Variants in NEK10 observed in about 807,000 individuals in gnomAD.
NEK10 encodes NIMA related kinase 10.
In NEK10, 122 loss-of-function variants were observed where a neutral mutation model predicts 159.8. That is an observed-to-expected ratio of 0.76 (90% CI 0.66 to 0.89). The LOEUF is 0.89. NEK10 is among the 40% of genes least tolerant of loss of function. The pLI, the probability that NEK10 is intolerant of heterozygous loss-of-function variation, is 0.00. For missense variants in NEK10, 1,342 were observed against 1,323.1 expected (o/e 1.01, Z -0.22); for synonymous variants, 466 against 457.1 (o/e 1.02, Z -0.25).
chr3:27,222,935 T>A (rs1952267315), intron 23 of NEK10, among the ~76,000 whole-genome samples: 1 of 151,672 alleles, frequency 6.6e-6, no homozygotes, highest in Admixed American at 6.6e-5. Flanking sequence ...CCTATTAAGT[T>A]TTTTTTTGGC....
chr3:27,157,873 A>T (rs967023385), intron 30 of NEK10, among the ~76,000 whole-genome samples: 2 of 152,194 alleles, frequency 1.3e-5, no homozygotes, highest in African/African-American at 4.8e-5. Flanking sequence ...AGCCACCTAC[A>T]TGGAGGCAAG....
chr3:27,326,300 C>T (rs1032741787), intron 5 of NEK10, among the ~76,000 whole-genome samples: 11 of 152,182 alleles, frequency 7.2e-5, no homozygotes, highest in Non-Finnish European at 1.3e-4. Flanking sequence ...GGCAAAGATA[C>T]TACATCCCAA....
At position 27,141,689 on chromosome 3, in the gene NEK10, T is replaced by C. The variant is rs2125580881; in HGVS notation, c.2870-107A>G. 4 of 740,678 alleles carry C rather than the reference T, an allele frequency of 5.4e-6. No individual in the cohort carries two copies. The South Asian group carries it at 7.0e-5, about 13-fold the overall frequency. 45.9% of individuals were successfully genotyped at this position (740,678 alleles called of 1,614,324 possible). On this transcript the variant is annotated intron_variant, in intron 30 of 35. Coordinates refer to ENST00000691995, the MANE Select transcript of NEK10 (RefSeq NM_001394966.1). ...AAATTTTAAAGCAAAGACTTCACCT[T>C]ATCAATGAGACAATATGCAGAGACC...
At chr3:27,364,206 C>T (rs1015328574) in intron 1 of NEK10, among the ~76,000 whole-genome samples, 1 of 151,882 alleles carries the variant, frequency 6.6e-6, no homozygotes, top group African/African-American at 2.4e-5. Flanking sequence ...TGGAGTTTTG[C>T]TCTTGTCACC....
chr3:27,331,262 A>AAAAAAAAAAAAAAAAAAACAC lies in NEK10; in HGVS notation c.363-9002_363-9001insGTGTTTTTTTTTTTTTTTTTT. ...CAAAAAAAAAAAAACAAAAAAAAAA[A>AAAAAAAAAAAAAAAAAAACAC]ACACACAAACCTAAGACTTTTGAGG... On this transcript the variant is annotated intron_variant, in intron 5 of 35. Coordinates refer to ENST00000691995, the MANE Select transcript of NEK10 (RefSeq NM_001394966.1). Among the ~76,000 whole-genome samples, 8 of 110,080 alleles carry AAAAAAAAAAAAAAAAAAACAC rather than the reference A, an allele frequency of 7.3e-5. 1 individual carries two copies. The highest frequency in any genetic ancestry group is 1.2e-4 in the Non-Finnish European group (6 of 51,068). The allele number at this position is 110,080 out of a possible 152,430, so 72.2% of individuals were successfully genotyped here.
rs556763 is a variant in NEK10 at position 27,304,801 on chromosome 3, C to T, written c.974G>A (p.Ser325Asn). 2.5e-6 allele frequency: 4 copies of T among 1,613,832 alleles called. No homozygotes were observed. In the East Asian group the frequency reaches 8.9e-5, roughly 36 times the overall value. The change falls in exon 12 of 36, where the codon AGC becomes AAC. Residue 325 changes from serine (S) to asparagine (N), a missense_variant. Transcript: ENST00000691995. ...GCCTCCCCAAATGCGAATTTCCACGCTGGTCTCAGGGTCCTCACAAACCTG... is the reference window on the plus strand; with the variant it reads ...GCCTCCCCAAATGCGAATTTCCACGTTGGTCTCAGGGTCCTCACAAACCTG... ...LVQVCEDPET[S>N]VEIRIWGGIK... is the part of the protein sequence containing the mutation.
intron 23 of NEK10, among the ~76,000 whole-genome samples, chr3:27,211,710 G>T (rs879700680): frequency 6.6e-6 from 1 of 152,116 alleles, no homozygotes; most frequent in Admixed American, 6.5e-5. Flanking sequence ...GCAATACTAT[G>T]TGCCAGGAGC....
In NEK10 at chr3:27,202,540, C is replaced by T. The variant is rs764275142; in HGVS notation, c.2108G>A (p.Ser703Asn). The change falls in exon 24 of 36, where the codon AGT becomes AAT. Residue 703 changes from serine (S) to asparagine (N), a missense_variant. Physicochemically the swap from Ser to Asn is conservative, Grantham distance 46 (BLOSUM62 1). Transcript: ENST00000691995. ...ILYSCPEVLK[S>N]EPYGEKADVW... ...ATCAGCCTTCTCCCCATACGGCTCACTCTTCAGTACCTCGGGGCTGAAGTA... is the reference window on the plus strand; with the variant it reads ...ATCAGCCTTCTCCCCATACGGCTCATTCTTCAGTACCTCGGGGCTGAAGTA... 3.7e-6 allele frequency: 6 copies of T among 1,609,512 alleles called. No individual in the cohort carries two copies. Among genetic ancestry groups the T allele is most frequent in the Non-Finnish European group, 5.1e-6 (6 of 1,177,408 alleles).
chr3:27,204,301 G>GTTTTTTTTTTTT (rs567092116), intron 23 of NEK10, among the ~76,000 whole-genome samples: 18 of 66,338 alleles, frequency 2.7e-4, no homozygotes, highest in East Asian at 4.4e-4. Context: ...TTTTGTTGTT[G>GTTTTTTTTTTTT]TTTTTTTTTT....
intron 6 of NEK10, among the ~76,000 whole-genome samples, chr3:27,318,926 A>G (rs2045414876): frequency 6.6e-6 from 1 of 152,174 alleles, no homozygotes; most frequent in South Asian, 2.1e-4. Flanking sequence ...AAGAAAAAAA[A>G]AACTTTGGGG....
At chr3:27,323,859 G>A (rs1575747533) in intron 5 of NEK10, among the ~76,000 whole-genome samples, 1 of 152,302 alleles carries the variant, frequency 6.6e-6, no homozygotes, top group Admixed American at 6.5e-5. Context: ...AAAGAAGCCA[G>A]ACACTAATCA....
chr3:27,120,495 G>C (rs1321309958), intron 32 of NEK10, among the ~76,000 whole-genome samples: 1 of 122,096 alleles, frequency 8.2e-6, no homozygotes, highest in Admixed American at 8.5e-5. Context: ...GCTAATTTTT[G>C]TATTTTTTTT....
At chr3:27,236,623 T>A (rs1953945173) in intron 23 of NEK10, among the ~76,000 whole-genome samples, 1 of 152,226 alleles carries the variant, frequency 6.6e-6, no homozygotes, top group African/African-American at 2.4e-5. Context: ...GTCCGTGATG[T>A]CCCACCTGAG....
Position 27,111,160 on chromosome 3 carries a change from TC to T in NEK10, c.*111del, listed in dbSNP as rs1939478839. 4.1e-6 allele frequency: 4 copies of T among 971,584 alleles called. No homozygotes were observed. The highest frequency in any genetic ancestry group is 4.7e-6 in the Non-Finnish European group (3 of 637,298). The allele number at this position is 971,584 out of a possible 1,614,324, so 60.2% of individuals were successfully genotyped here. On this transcript the variant is annotated 3_prime_UTR_variant, in exon 36 of 36. Transcript: ENST00000691995. ...TCCTGCAGGCCCCATGGCATCTTGGTCTTTTCCACACCCTCTAGCAGCACCC... is the reference window on the plus strand; with the variant it reads ...TCCTGCAGGCCCCATGGCATCTTGGTTTTTCCACACCCTCTAGCAGCACCC...
intron 23 of NEK10, among the ~76,000 whole-genome samples, chr3:27,233,628 A>G (rs978833615): frequency 6.6e-5 from 10 of 152,204 alleles, no homozygotes; most frequent in Admixed American, 1.3e-4. Context: ...TTGCAAAGAT[A>G]TGAAACCAAC....
chr3:27,194,385 G>T (rs1236318856), intron 25 of NEK10, among the ~76,000 whole-genome samples: 1 of 152,092 alleles, frequency 6.6e-6, no homozygotes. Flanking sequence ...AAAGTGCTGG[G>T]ATTACAAGGG....
At chr3:27,298,219 G>A (rs3112786) in intron 13 of NEK10, among the ~76,000 whole-genome samples, 1 of 152,282 alleles carries the variant, frequency 6.6e-6, no homozygotes, top group South Asian at 2.1e-4. Context: ...ACATGTCATA[G>A]GAGGAACCCG....
chr3:27,350,152 G>C (rs1214784037), intron 3 of NEK10, among the ~76,000 whole-genome samples: 4 of 152,108 alleles, frequency 2.6e-5, no homozygotes, highest in African/African-American at 4.8e-5. Context: ...AGCTGAGTGG[G>C]CCTTAATCAC....
At chr3:27,216,706 C>A (rs1951564165) in intron 23 of NEK10, among the ~76,000 whole-genome samples, 1 of 152,204 alleles carries the variant, frequency 6.6e-6, no homozygotes, top group Non-Finnish European at 1.5e-5. Flanking sequence ...AAAGCCAGTA[C>A]CAATATCCTC....
Sources: gnomAD v4.1 joint callset for allele counts (sites outside exome capture counted in the v4.1 genomes callset) on GRCh38, gnomAD v4.1.1 for gene constraint, MANE v1.5 for transcripts, NCBI Gene and HGNC (gene_info 2026-07-23, HGNC 2026-07-21) for gene names.